TTN: variants seen among roughly 807,000 people sequenced by gnomAD.
TTN encodes titin.
TTN carries 1,525 observed loss-of-function variants against 3,223.0 expected under a neutral mutation model. That is an observed-to-expected ratio of 0.47 (90% CI 0.45 to 0.49). The LOEUF (loss-of-function observed/expected upper bound fraction) is 0.49, where lower values mean the gene tolerates loss of function less well. TTN is among the 20% of genes least tolerant of loss of function. The pLI is 0.00. For missense variants in TTN, 40,786 were observed against 43,424.0 expected (o/e 0.94, Z 5.40); for synonymous variants, 14,094 against 15,161.0 (o/e 0.93, Z 5.17).
intron 163 of TTN, 111 bp downstream of exon 163, chr2:178,666,711 CTG>C: frequency 1.2e-6 from 1 of 849,896 alleles, no homozygotes; most frequent in Non-Finnish European, 1.7e-6. Context: ...GGATCCATCT[CTG>C]AAATGATTTC....
chr2:178,685,967 G>A (rs889650147), intron 127 of TTN, among the ~76,000 whole-genome samples: 1 of 152,074 alleles, frequency 6.6e-6, no homozygotes, highest in African/African-American at 2.4e-5. Flanking sequence ...AGATTTGAAG[G>A]CCACAGGGCA....
chr2:178,559,340 G>A lies in TTN; in HGVS notation c.86792C>T (p.Ala28931Val). The A allele has an allele frequency of 6.2e-7, 1 of 1,600,248 alleles. No homozygotes were observed. Among genetic ancestry groups the A allele is most frequent in the Non-Finnish European group, 8.5e-7 (1 of 1,172,860 alleles). ...TATTTTTACTCCTTCCTTTGTTTCA[G>A]CTGGTATACCAACACCAAACTCATT... is the stretch of plus-strand genomic sequence containing the variant. Reference protein sequence around the residue: ...GENEFGVGIPAETKEGVKITE... With the variant: ...GENEFGVGIPVETKEGVKITE... Residue 28931 changes from alanine to valine, a missense_variant, in exon 326 of 363, where the codon GCT becomes GTT. Physicochemically the swap from Ala to Val is moderately conservative, Grantham distance 64 (BLOSUM62 0). Transcript: ENST00000589042.
At position 178,614,915 on chromosome 2, in the gene TTN, G is replaced by T; in HGVS notation, c.48692C>A (p.Ala16231Asp). 1 of 1,590,910 alleles carries T rather than the reference G, an allele frequency of 6.3e-7. No individual in the cohort carries two copies. Among genetic ancestry groups the T allele is most frequent in the Non-Finnish European group, 8.6e-7 (1 of 1,167,406 alleles). ...TTTGCTAGCACCCTGCCTGTTTAAG[G>T]CCTTCACGCGGTAGGCATACCATTT... The part of the protein sequence containing the change: ...EGKWYAYRVK[A>D]LNRQGASKPS... The change falls in exon 260 of 363, where the codon GCC becomes GAC. Residue 16231 changes from alanine to aspartate, a missense_variant. By Grantham distance (126) the Ala-to-Asp change is moderately radical (BLOSUM62 -2). Coordinates refer to ENST00000589042, the MANE Select transcript of TTN (RefSeq NM_001267550.2).
chr2:178,539,993 T>C lies in TTN; in HGVS notation c.98099-27A>G, dbSNP rs1167142998. 5 of 1,608,066 alleles carry C rather than the reference T, an allele frequency of 3.1e-6. No homozygotes were observed. The African/African-American group carries it at 5.4e-5, about 17-fold the overall frequency. ...TGGAAAAAAAGGTAGGGTTTCAATT[T>C]AGCATTTGGGGTAGGGGGACTAAGA... is the stretch of plus-strand genomic sequence containing the variant. On this transcript the variant is annotated intron_variant, in intron 351 of 362. Transcript: ENST00000589042.
Position 178,594,366 on chromosome 2 carries a change from T to C in TTN, c.58128A>G (p.Pro19376=). 1.3e-6 allele frequency: 2 copies of C among 1,594,972 alleles called. No homozygotes were observed. The highest frequency in any genetic ancestry group is 1.7e-6 in the Non-Finnish European group (2 of 1,171,212). ...TACCCAGCTCATCCTTGCAAGTAAT[T>C]GGTTTGGTGCAAAATGATGGTTTGC... is the stretch of plus-strand genomic sequence containing the variant. ...GQGKPSFCTK[P]ITCKDELAPP... is the part of the protein sequence containing the mutation. Residue 19376 remains proline, a synonymous_variant, in exon 296 of 363, where the codon CCA becomes CCG. Transcript: ENST00000589042.
In TTN at chr2:178,706,584, T is replaced by A; in HGVS notation, c.29290A>T (p.Thr9764Ser). 2 of 1,613,842 alleles carry A rather than the reference T, an allele frequency of 1.2e-6. No homozygotes were observed. The highest frequency in any genetic ancestry group is 1.1e-5 in the South Asian group (1 of 91,080). The change falls in exon 102 of 363, where the codon ACT becomes TCT. Residue 9764 changes from threonine (T) to serine (S), a missense_variant. Coordinates refer to ENST00000589042, the MANE Select transcript of TTN (RefSeq NM_001267550.2). ...AKLEIRDTTK[T>S]DSGLYRCVAF... Reference sequence around the variant, plus strand: ...ACGCATCGGTATAACCCAGAATCAGTTTTTGTGGTGTCCCTAATCTCCAGT... The same window carrying A: ...ACGCATCGGTATAACCCAGAATCAGATTTTGTGGTGTCCCTAATCTCCAGT...
chr2:178,741,998 C>A, intron 47 of TTN, 77 bp from the exon 48 acceptor site: 13 of 1,084,924 alleles, frequency 1.2e-5, no homozygotes, highest in Non-Finnish European at 1.4e-5. Flanking sequence ...GAATTAGACA[C>A]CAGTTGATGG....
At chr2:178,744,976 A>C (rs2083207972) in intron 47 of TTN, 3 of 985,400 alleles carry the variant, frequency 3.0e-6, no homozygotes, top group Non-Finnish European at 3.6e-6. Context: ...TTAATAACGA[A>C]AACATTTTTA....
At chr2:178,675,156 C>A (rs778762474) in intron 149 of TTN, 43 bp from the exon 150 acceptor site, 83 of 1,356,872 alleles carry the variant, frequency 6.1e-5, no homozygotes, top group Non-Finnish European at 7.3e-5. Context: ...AATGCAAGAA[C>A]CAAAGAAGAA....
Position 178,684,039 on chromosome 2 carries a change from C to G in TTN, c.32766G>C (p.Leu10922=). ...CCTCCTCTCTTTTAGGTTTGAGTTTCAGAACTTTTTCTTCTGGGACAGCTC... is the reference window on the plus strand; with the variant it reads ...CCTCCTCTCTTTTAGGTTTGAGTTTGAGAACTTTTTCTTCTGGGACAGCTC... ...PKRAVPEEKV[L]KLKPKREEEP... is the part of the protein sequence containing the mutation. The change falls in exon 133 of 363, where the codon CTG becomes CTC. Residue 10922 remains leucine, a synonymous_variant. Coordinates refer to ENST00000589042, the MANE Select transcript of TTN (RefSeq NM_001267550.2). The G allele has an allele frequency of 6.2e-7, 1 of 1,605,694 alleles. No individual in the cohort carries two copies. The highest frequency in any genetic ancestry group is 8.5e-7 in the Non-Finnish European group (1 of 1,176,528).
At chr2:178,538,235 T>G in intron 354 of TTN, 1 of 461,380 alleles carries the variant, frequency 2.2e-6, no homozygotes, top group Non-Finnish European at 3.8e-6. Context: ...CTTAGGTTCA[T>G]TGAAGTGGCA....
Position 178,609,717 on chromosome 2 carries a change from C to T in TTN, c.51706G>A (p.Ala17236Thr). Residue 17236 changes from alanine (A) to threonine (T), a missense_variant, in exon 272 of 363, where the codon GCT becomes ACT. By Grantham distance (58) the Ala-to-Thr change is moderately conservative. Coordinates refer to ENST00000589042, the MANE Select transcript of TTN (RefSeq NM_001267550.2). ...TCTACAGCTTTGGTTGGAGGAGTAG[C>T]CCGAGAAGGTTCACTAATACCCGCG... ...NAAGISEPSR[A>T]TPPTKAVDPI... 1.9e-6 allele frequency: 3 copies of T among 1,606,496 alleles called. No homozygotes were observed. Among genetic ancestry groups the T allele is most frequent in the Non-Finnish European group, 2.6e-6 (3 of 1,175,036 alleles).
rs1291077172 is a variant in TTN at position 178,663,648 on chromosome 2, G to A, written c.36511C>T (p.Pro12171Ser). ...ATACCTTTAACAGGTGGGACTTCAG[G>A]CTCTTTAGGAGGAGCCACTGGCGCT... ...KKAPVAPPKE[P>S]EVPPVKVPEA... The change falls in exon 171 of 363, where the codon CCT becomes TCT. Residue 12171 changes from proline (P) to serine (S), a missense_variant. Physicochemically the swap from Pro to Ser is moderately conservative, Grantham distance 74 (BLOSUM62 -1). Coordinates refer to ENST00000589042, the MANE Select transcript of TTN (RefSeq NM_001267550.2). 1 of 1,613,580 alleles carries A rather than the reference G, an allele frequency of 6.2e-7. No homozygotes were observed. The highest frequency in any genetic ancestry group is 8.5e-7 in the Non-Finnish European group (1 of 1,179,752).
chr2:178,802,148 A>T lies in TTN; in HGVS notation c.285T>A (p.Leu95=). 1 of 1,614,072 alleles carries T rather than the reference A, an allele frequency of 6.2e-7. No homozygotes were observed. Among genetic ancestry groups the T allele is most frequent in the South Asian group, 1.1e-5 (1 of 91,070 alleles). ...GSGQATSTAE[L]LVKAETAPPN... is the part of the protein sequence containing the mutation. Reference sequence around the variant, plus strand: ...TCCCCAGCAGCCTACCTTTCACGAGAAGCTCAGCAGTACTAGTCGCTTGTC... The same window carrying T: ...TCCCCAGCAGCCTACCTTTCACGAGTAGCTCAGCAGTACTAGTCGCTTGTC... The change falls in exon 3 of 363, where the codon CTT becomes CTA. Residue 95 remains leucine, a synonymous_variant. Transcript: ENST00000589042.
chr2:178,528,895 T>A lies in TTN; in HGVS notation c.106856A>T (p.Asn35619Ile). The change falls in exon 360 of 363, where the codon AAC (asparagine) becomes ATC (isoleucine). Residue 35619 changes from asparagine (N) to isoleucine (I), a missense_variant. Asn to Ile is a moderately radical substitution (Grantham distance 149, BLOSUM62 -3). Transcript: ENST00000589042. ...IKAFSTQMSI[N>I]EGQRLVLKAN... ...TTTTAAAACCAGTCTTTGACCTTCG[T>A]TTATGCTCATCTGAGTAGAAAATGC... 10 of 1,614,048 alleles carry A rather than the reference T, an allele frequency of 6.2e-6. No individual in the cohort carries two copies. The highest frequency in any genetic ancestry group is 8.5e-6 in the Non-Finnish European group (10 of 1,179,886).
chr2:178,704,228 C>T lies in TTN; in HGVS notation c.30142G>A (p.Ala10048Thr). Residue 10048 changes from alanine to threonine, a missense_variant, in exon 106 of 363, where the codon GCA becomes ACA. Physicochemically the swap from Ala to Thr is moderately conservative, Grantham distance 58. Transcript: ENST00000589042. ...CCCTGGTCTTCTGCTCGAACATCTG[C>T]AATGGTCAATTTATGGACTTTGTGT... is the stretch of plus-strand genomic sequence containing the variant. Reference protein sequence around the residue: ...VEHKVHKLTIADVRAEDQGQY... With the variant: ...VEHKVHKLTITDVRAEDQGQY... 6.2e-7 allele frequency: 1 copy of T among 1,613,988 alleles called. No homozygotes were observed. Among genetic ancestry groups the T allele is most frequent in the Non-Finnish European group, 8.5e-7 (1 of 1,179,880 alleles).
At chr2:178,545,309 T>C in intron 344 of TTN, 79 bp downstream of exon 344, 13 of 1,358,896 alleles carry the variant, frequency 9.6e-6, no homozygotes, top group Non-Finnish European at 1.3e-5. Flanking sequence ...CTAAAAATTC[T>C]TAGAGATTGT....
intron 348 of TTN, 44 bp downstream of exon 348, chr2:178,542,618 T>G (rs1695125536): frequency 6.3e-7 from 1 of 1,597,218 alleles, no homozygotes; most frequent in South Asian, 1.1e-5. Flanking sequence ...CAAAATTGGG[T>G]GACTGAACAT....
rs879236471 is a variant in TTN, at chr2:178,583,208, C to A, written c.65595G>T (p.Leu21865=). 32 of 1,604,740 alleles carry A rather than the reference C, an allele frequency of 2.0e-5. No individual in the cohort carries two copies. Among genetic ancestry groups the A allele is most frequent in the Non-Finnish European group, 2.6e-5 (31 of 1,174,424 alleles). The change falls in exon 313 of 363, where the codon CTG becomes CTT. Residue 21865 remains leucine, a synonymous_variant. Transcript: ENST00000589042. The part of the protein sequence containing the change: ...LAENVPPRID[L]SVAMKSLLTV... ...TAAGCAAAGATTTCATAGCCACACTCAGGTCTATCCTGGGAGGGACTGGAA... is the reference window on the plus strand; with the variant it reads ...TAAGCAAAGATTTCATAGCCACACTAAGGTCTATCCTGGGAGGGACTGGAA...
Sources: allele counts gnomAD v4.1 joint callset (sites outside exome capture counted in the v4.1 genomes callset), GRCh38; gene constraint gnomAD v4.1.1; transcripts MANE v1.5; gene names NCBI Gene and HGNC (gene_info 2026-07-23, HGNC 2026-07-21).